The following TYW1 variants were observed in gnomAD, a reference collection of about 807,000 sequenced individuals.
TYW1 encodes S-adenosyl-L-methionine-dependent tRNA 4-demethylwyosine synthase TYW1.
In TYW1, 46 loss-of-function variants were observed where a neutral mutation model predicts 96.2. The ratio of observed to expected loss-of-function variants is 0.48; its 90% CI spans 0.38 to 0.61. The LOEUF (loss-of-function observed/expected upper bound fraction) is 0.61, where lower values mean the gene tolerates loss of function less well. TYW1 is among the 20% of genes least tolerant of loss of function. TYW1 has a pLI of 0.00. For missense variants in TYW1, 684 were observed against 909.6 expected (o/e 0.75, Z 3.19); for synonymous variants, 274 against 323.0 (o/e 0.85, Z 1.63).
chr7:67,205,933 T>C (rs988326793), intron 15 of TYW1, among the ~76,000 whole-genome samples: 5 of 152,246 alleles, frequency 3.3e-5, no homozygotes, highest in African/African-American at 1.2e-4. Flanking sequence ...CCCTAGCCAG[T>C]GTGCCTTCTT....
At chr7:67,061,901 A>G (rs1264077967) in intron 9 of TYW1, among the ~76,000 whole-genome samples, 1 of 152,202 alleles carries the variant, frequency 6.6e-6, no homozygotes, top group Non-Finnish European at 1.5e-5. Flanking sequence ...CCAAAAATGA[A>G]AAGTCACAAA....
chr7:67,221,160 G>A (rs969780275), intron 15 of TYW1, among the ~76,000 whole-genome samples: 2 of 152,152 alleles, frequency 1.3e-5, no homozygotes, highest in African/African-American at 4.8e-5. Flanking sequence ...CTTTGTATAT[G>A]TTGATTATCT....
chr7:67,068,515 G>A (rs1356984724), intron 10 of TYW1, among the ~76,000 whole-genome samples: 1 of 152,134 alleles, frequency 6.6e-6, no homozygotes, highest in Non-Finnish European at 1.5e-5. Context: ...GAAGGGGGAG[G>A]CCACTCCTTC....
At chr7:67,123,673 T>A (rs1797828525) in intron 13 of TYW1, among the ~76,000 whole-genome samples, 1 of 152,098 alleles carries the variant, frequency 6.6e-6, no homozygotes, top group South Asian at 2.1e-4. Flanking sequence ...ACCCAAGAAG[T>A]GCCTAAAGAA....
intron 12 of TYW1, among the ~76,000 whole-genome samples, chr7:67,104,034 C>A (rs1472636709): frequency 1.3e-5 from 2 of 151,966 alleles, no homozygotes; most frequent in African/African-American, 4.8e-5. Context: ...ATTAGAATTT[C>A]TTTTTCTAAG....
At position 67,184,648 on chromosome 7, in the gene TYW1, T is replaced by TTTATG. The variant is rs199573674; in HGVS notation, c.1809+1478_1809+1482dup. Among the ~76,000 whole-genome samples, 71 of 44,332 alleles carry TTTATG rather than the reference T, an allele frequency of 1.6e-3. 5 individuals are homozygous for TTTATG. Among genetic ancestry groups the TTTATG allele is most frequent in the African/African-American group, 2.4e-3 (23 of 9,782 alleles). The allele number at this position is 44,332 out of a possible 152,430, so 29.1% of individuals were successfully genotyped here. The stretch of plus-strand genomic sequence containing the variant: ...TTTTATTTTATTTTATTTTATTTTA[T>TTTATG]TTATGTTATGTTATGTTATGTTATG... On this transcript the variant is annotated intron_variant, in intron 14 of 15. Transcript: ENST00000359626.
At chr7:67,028,108 G>A (rs577474466) in intron 7 of TYW1, among the ~76,000 whole-genome samples, 17 of 151,294 alleles carry the variant, frequency 1.1e-4, no homozygotes, top group Admixed American at 2.0e-4. Context: ...GCATAGTGGC[G>A]CATATCTGTA....
chr7:67,230,716 G>C (rs1402486930), intron 15 of TYW1, among the ~76,000 whole-genome samples: 9 of 145,782 alleles, frequency 6.2e-5, no homozygotes, highest in African/African-American at 2.1e-4. Context: ...GCAGTGGCGC[G>C]ATCTCGGCTC....
intron 15 of TYW1, among the ~76,000 whole-genome samples, chr7:67,204,907 C>T (rs1212149211): frequency 2.0e-5 from 3 of 152,090 alleles, no homozygotes; most frequent in South Asian, 2.1e-4. Context: ...TTATCATGTC[C>T]GTTTTTAATT....
chr7:67,230,262 A>G (rs920667418), intron 15 of TYW1, among the ~76,000 whole-genome samples: 29 of 151,634 alleles, frequency 1.9e-4, no homozygotes, highest in Non-Finnish European at 2.1e-4. Context: ...CCTAGTACCC[A>G]GTAGGACACT....
intron 11 of TYW1, among the ~76,000 whole-genome samples, chr7:67,096,336 G>C (rs1377537153): frequency 6.6e-6 from 1 of 152,194 alleles, no homozygotes; most frequent in Non-Finnish European, 1.5e-5. Flanking sequence ...CTTGCAGTGA[G>C]CTATTTTGCC....
At chr7:67,116,324 CAA>C (rs58820405) in intron 12 of TYW1, among the ~76,000 whole-genome samples, 4,752 of 112,540 alleles carry the variant, frequency 0.042, 236 homozygotes, top group African/African-American at 0.14. Flanking sequence ...GAATCCATCT[CAA>C]AAAAAAAAAA....
At chr7:67,082,816 G>A (rs912784156) in intron 10 of TYW1, among the ~76,000 whole-genome samples, 1 of 152,122 alleles carries the variant, frequency 6.6e-6, no homozygotes, top group Non-Finnish European at 1.5e-5. Flanking sequence ...GTATAGCTTG[G>A]GTTATGGCAT....
chr7:67,010,850 A>G (rs1472281764), intron 4 of TYW1, among the ~76,000 whole-genome samples: 1 of 152,020 alleles, frequency 6.6e-6, no homozygotes, highest in Admixed American at 6.6e-5. Flanking sequence ...AGTCTCCCAA[A>G]GTACTAGGAT....
intron 13 of TYW1, among the ~76,000 whole-genome samples, chr7:67,152,807 G>A (rs1421478784): frequency 6.6e-6 from 1 of 152,102 alleles, no homozygotes; most frequent in East Asian, 1.9e-4. Context: ...CACCATGTTA[G>A]CCAGTTTGGT....
At chr7:67,162,066 T>C (rs1405603117) in intron 13 of TYW1, among the ~76,000 whole-genome samples, 1 of 151,884 alleles carries the variant, frequency 6.6e-6, no homozygotes, top group South Asian at 2.1e-4. Context: ...GGAGGCCAAG[T>C]TGGGCGGATC....
intron 13 of TYW1, among the ~76,000 whole-genome samples, chr7:67,122,812 G>C (rs2949150): frequency 2.0e-5 from 3 of 152,228 alleles, no homozygotes; most frequent in African/African-American, 7.2e-5. Context: ...AGAGGCCTGA[G>C]AGTCACATTT....
intron 15 of TYW1, among the ~76,000 whole-genome samples, chr7:67,229,176 A>C (rs546767274): frequency 6.6e-6 from 1 of 152,326 alleles, no homozygotes; most frequent in African/African-American, 2.4e-5. Context: ...AATAATTAAC[A>C]GATAGTAGGC....
intron 15 of TYW1, among the ~76,000 whole-genome samples, chr7:67,229,544 A>AC (rs1334869648): frequency 6.6e-6 from 1 of 152,084 alleles, no homozygotes; most frequent in African/African-American, 2.4e-5. Flanking sequence ...ATCTCAAAAA[A>AC]AAAAAAATTG....
Sources: allele counts gnomAD v4.1 joint callset (sites outside exome capture counted in the v4.1 genomes callset), GRCh38; gene constraint gnomAD v4.1.1; transcripts MANE v1.5; gene names NCBI Gene and HGNC (gene_info 2026-07-23, HGNC 2026-07-21).